The following CERS6 variants were observed in gnomAD, a reference collection of about 807,000 sequenced individuals.
CERS6 encodes LAG1 homolog, ceramide synthase 6.
A neutral mutation model predicts 56.8 loss-of-function variants in CERS6; 26 were observed. The observed-to-expected ratio is 0.46, with a 90% confidence interval of 0.34 to 0.63. CERS6 has a LOEUF of 0.63. Among genes scored for constraint, CERS6 ranks in the 30% least tolerant of loss-of-function variants. The probability of loss-of-function intolerance (pLI) is 0.01; values close to 1 mark genes in which losing one functional copy is unlikely to be tolerated. For synonymous variants in CERS6, 164 were observed against 173.3 expected (o/e 0.95, Z 0.42); for missense variants, 415 against 467.5 (o/e 0.89, Z 1.04).
intron 1 of CERS6, among the ~76,000 whole-genome samples, chr2:168,497,375 A>G (rs1694491641): frequency 6.6e-6 from 1 of 152,206 alleles, no homozygotes; most frequent in Non-Finnish European, 1.5e-5. Context: ...ACAGCAATAA[A>G]TAAATAAATA....
At chr2:168,760,761 TA>T (rs758204683) in intron 8 of CERS6, among the ~76,000 whole-genome samples, 12,397 of 151,862 alleles carry the variant, frequency 0.082, 629 homozygotes, top group Non-Finnish European at 0.11. Context: ...TTTATTTATT[TA>T]TTTATTTTTT....
rs1173609260 is a variant in CERS6 at position 168,596,557 on chromosome 2, T to A, written c.408-34428T>A. ...GTTTCAGGGCCCCATCCCCCCCCCT[T>A]TTTTTTTTTTTTTTGAGACTGAGTC... On this transcript the variant is annotated intron_variant, in intron 3 of 9. Transcript: ENST00000305747. 1.8e-3 allele frequency among the ~76,000 whole-genome samples: 209 copies of A among 115,366 alleles called. 2 individuals are homozygous for A. In the Middle Eastern group the frequency reaches 0.02, roughly 11 times the overall value. The allele number at this position is 115,366 out of a possible 152,430, so 75.7% of individuals were successfully genotyped here. A position where few individuals can be genotyped will look rare whatever the true frequency, so the allele number is the denominator to read the frequency against.
intron 8 of CERS6, among the ~76,000 whole-genome samples, chr2:168,741,571 T>C (rs1345631465): frequency 1.3e-5 from 2 of 152,174 alleles, no homozygotes; most frequent in Non-Finnish European, 2.9e-5. Flanking sequence ...GAATTTGTGT[T>C]GGGCTGCATT....
intron 4 of CERS6, among the ~76,000 whole-genome samples, chr2:168,690,116 G>A (rs545243694): frequency 1.2e-4 from 18 of 152,144 alleles, no homozygotes; most frequent in Non-Finnish European, 1.8e-4. Flanking sequence ...GGACTCAGCA[G>A]ATATTAGCCA....
chr2:168,645,619 T>C (rs1036420880), intron 4 of CERS6, among the ~76,000 whole-genome samples: 3 of 152,184 alleles, frequency 2.0e-5, no homozygotes, highest in Non-Finnish European at 4.4e-5. Context: ...GTTTGTTGTA[T>C]AGATTATTTC....
chr2:168,662,854 C>A (rs1030439471), intron 4 of CERS6, among the ~76,000 whole-genome samples: 2 of 152,358 alleles, frequency 1.3e-5, no homozygotes, highest in East Asian at 3.9e-4. Flanking sequence ...TGCCAAACAT[C>A]TTGTTGGCAT....
chr2:168,645,142 T>TATATATATAGAGAGAG (rs753700977), intron 4 of CERS6, among the ~76,000 whole-genome samples: 1 of 12,742 alleles, frequency 7.8e-5, no homozygotes, highest in Non-Finnish European at 1.5e-4. Context: ...TATATATATA[T>TATATATATAGAGAGAG]AGAGAGAGAG....
intron 8 of CERS6, among the ~76,000 whole-genome samples, chr2:168,757,619 T>C (rs924255226): frequency 5.9e-5 from 9 of 152,180 alleles, no homozygotes. Flanking sequence ...TGGTGGCTCA[T>C]GCCTGTAATC....
chr2:168,760,206 C>G (rs922691018), intron 8 of CERS6, among the ~76,000 whole-genome samples: 2 of 152,074 alleles, frequency 1.3e-5, no homozygotes, highest in African/African-American at 4.8e-5. Context: ...TTAACTTACA[C>G]GATCACAAGG....
chr2:168,673,979 T>C (rs1240890523), intron 4 of CERS6, among the ~76,000 whole-genome samples: 3 of 152,186 alleles, frequency 2.0e-5, no homozygotes, highest in Non-Finnish European at 2.9e-5. Context: ...TAGGAGTTTC[T>C]CCTAGGATAT....
intron 1 of CERS6, among the ~76,000 whole-genome samples, chr2:168,485,555 A>G (rs1315545573): frequency 6.6e-6 from 1 of 152,064 alleles, no homozygotes; most frequent in African/African-American, 2.4e-5. Context: ...TACCATATCT[A>G]TGGTTTTGTC....
intron 8 of CERS6, among the ~76,000 whole-genome samples, chr2:168,760,555 C>T (rs1684544144): frequency 6.6e-6 from 1 of 152,128 alleles, no homozygotes; most frequent in Non-Finnish European, 1.5e-5. Flanking sequence ...ACTATCACAA[C>T]CACTGTCCTG....
In CERS6 at chr2:168,648,058, C is replaced by T. The variant is rs116322406; in HGVS notation, c.465+17016C>T. Among the ~76,000 whole-genome samples the T allele has an allele frequency of 4.5e-3, 692 of 152,138 alleles. 2 individuals are homozygous for T. Among genetic ancestry groups the T allele is most frequent in the African/African-American group, 0.016 (651 of 41,496 alleles). On this transcript the variant is annotated intron_variant, in intron 4 of 9. Coordinates refer to ENST00000305747, the MANE Select transcript of CERS6 (RefSeq NM_203463.3). ...ACATGGGGGAAGAGTTTCTCCTCCT[C>T]GATTTTTTGGTATAGTTTCTGTAGG...
At chr2:168,657,792 C>G (rs113651194) in intron 4 of CERS6, among the ~76,000 whole-genome samples, 5 of 152,348 alleles carry the variant, frequency 3.3e-5, no homozygotes, top group African/African-American at 1.2e-4. Flanking sequence ...AAGCGCCGCA[C>G]GCAGCCCCGG....
At chr2:168,724,923 T>C (rs982104055) in intron 8 of CERS6, among the ~76,000 whole-genome samples, 14 of 152,124 alleles carry the variant, frequency 9.2e-5, no homozygotes, top group African/African-American at 3.4e-4. Flanking sequence ...GGGTGGTCGA[T>C]GGGACTGGGC....
chr2:168,635,525 G>A (rs986827737), intron 4 of CERS6, among the ~76,000 whole-genome samples: 1 of 152,160 alleles, frequency 6.6e-6, no homozygotes, highest in Non-Finnish European at 1.5e-5. Context: ...CAAGGCACCA[G>A]CTCCTTAAAG....
chr2:168,673,354 T>C (rs960662792), intron 4 of CERS6, among the ~76,000 whole-genome samples: 1 of 151,608 alleles, frequency 6.6e-6, no homozygotes, highest in African/African-American at 2.4e-5. Flanking sequence ...AAAAGTGGCT[T>C]AATATTATCA....
At chr2:168,667,841 T>C (rs775506809) in intron 4 of CERS6, among the ~76,000 whole-genome samples, 5 of 152,228 alleles carry the variant, frequency 3.3e-5, no homozygotes, top group Non-Finnish European at 5.9e-5. Flanking sequence ...GGTGAACAGA[T>C]ATTTAAAGTA....
chr2:168,649,902 C>G (rs1166505506), intron 4 of CERS6, among the ~76,000 whole-genome samples: 1 of 152,064 alleles, frequency 6.6e-6, no homozygotes, highest in African/African-American at 2.4e-5. Context: ...CTGTAAGCCC[C>G]TCAAGGATGG....
Sources: gnomAD v4.1 joint callset for allele counts (sites outside exome capture counted in the v4.1 genomes callset) on GRCh38, gnomAD v4.1.1 for gene constraint, MANE v1.5 for transcripts, NCBI Gene and HGNC (gene_info 2026-07-23, HGNC 2026-07-21) for gene names.